Variants in ODR4 observed in about 807,000 individuals in gnomAD.
The protein encoded by ODR4 is odr-4 GPCR localization factor homolog, also known as protein odr-4 homolog.
In ODR4, 47 loss-of-function variants were observed where a neutral mutation model predicts 60.2. The observed-to-expected ratio is 0.78, with a 90% CI of 0.62 to 1.00. ODR4 has a LOEUF of 1.00. Among genes scored for constraint, ODR4 ranks in the 50% least tolerant of loss-of-function variants. The probability of loss-of-function intolerance (pLI) is 0.00; values close to 1 mark genes in which losing one functional copy is unlikely to be tolerated. For synonymous variants in ODR4, 178 were observed against 175.5 expected (o/e 1.01, Z -0.11); for missense variants, 488 against 530.8 (o/e 0.92, Z 0.79).
At position 186,383,090 on chromosome 1, in the gene ODR4, C is replaced by G. The variant is rs943447897; in HGVS notation, c.168C>G (p.Asn56Lys). 1.9e-6 allele frequency: 3 copies of G among 1,567,590 alleles called. No homozygotes were observed. The highest frequency in any genetic ancestry group is 3.8e-5 in the Admixed American group (2 of 52,620). ...RTPPKEEQSE[N>K]LKHPKAKLDN... ...CACCCAAAGAGGAGCAAAGTGAGAACCTCAAACATCCCAAAGCTAAGTTGG... is the reference window on the plus strand; with the variant it reads ...CACCCAAAGAGGAGCAAAGTGAGAAGCTCAAACATCCCAAAGCTAAGTTGG... Residue 56 changes from asparagine to lysine, a missense_variant, in exon 3 of 14, where the codon AAC (asparagine) becomes AAG (lysine). Transcript: ENST00000287859.
At chr1:186,396,650 C>T (rs1014888073) in intron 9 of ODR4, among the ~76,000 whole-genome samples, 8 of 151,662 alleles carry the variant, frequency 5.3e-5, no homozygotes, top group Non-Finnish European at 1.2e-4. Context: ...CAAAAAAATA[C>T]CTCTTTTCTT....
rs369620672 is a variant in ODR4 at position 186,406,199 on chromosome 1, C to T, written c.1117C>T (p.His373Tyr). 1 of 1,611,102 alleles carries T rather than the reference C, an allele frequency of 6.2e-7. No homozygotes were observed. The highest frequency in any genetic ancestry group is 1.3e-5 in the African/African-American group (1 of 74,736). ...TGAGTCAGCTGAAGAAATCAGGGACCATTTTATGGAGATGTTGGATCACAC... is the reference window on the plus strand; with the variant it reads ...TGAGTCAGCTGAAGAAATCAGGGACTATTTTATGGAGATGTTGGATCACAC... ...DDESAEEIRD[H>Y]FMEMLDHTIQ... is the part of the protein sequence containing the mutation. The change falls in exon 12 of 14, where the codon CAT becomes TAT. Residue 373 changes from histidine (H) to tyrosine (Y), a missense_variant. Transcript: ENST00000287859.
chr1:186,396,508 C>T (rs571598971), intron 9 of ODR4, among the ~76,000 whole-genome samples: 3 of 151,942 alleles, frequency 2.0e-5, no homozygotes, highest in East Asian at 1.9e-4. Context: ...ACTTGGGAGG[C>T]GAAGGTGGGA....
intron 13 of ODR4, 81 bp from the exon 14 acceptor site, chr1:186,418,928 C>T: frequency 8.3e-7 from 1 of 1,202,926 alleles, no homozygotes; most frequent in South Asian, 1.3e-5. Flanking sequence ...ATCAGTTACC[C>T]ACATTTCAGA....
At chr1:186,401,044 G>T (rs755003503) in intron 11 of ODR4, 6 of 1,591,792 alleles carry the variant, frequency 3.8e-6, no homozygotes, top group Admixed American at 3.4e-5. Context: ...GATTTGCAGG[G>T]TATGGGGATG....
chr1:186,417,738 T>C, intron 13 of ODR4, 84 bp downstream of exon 13: 1 of 765,898 alleles, frequency 1.3e-6, no homozygotes. Flanking sequence ...TGTATTTCAT[T>C]TCTCTTTCTT....
At chr1:186,377,139 A>G (rs1659809081) in intron 1 of ODR4, among the ~76,000 whole-genome samples, 1 of 152,200 alleles carries the variant, frequency 6.6e-6, no homozygotes, top group African/African-American at 2.4e-5. Context: ...AGTTACTTAT[A>G]ATACCTAATA....
intron 1 of ODR4, among the ~76,000 whole-genome samples, chr1:186,376,187 C>A (rs150252262): frequency 5.4e-4 from 82 of 152,182 alleles, no homozygotes; most frequent in African/African-American, 1.9e-3. Context: ...ATTTAAGGAC[C>A]CGGGTTAATT....
At chr1:186,422,485 A>G (rs1191902182), downstream of ODR4, among the ~76,000 whole-genome samples, 3 of 152,216 alleles carry the variant, frequency 2.0e-5, no homozygotes, top group African/African-American at 7.2e-5. Context: ...CAATTAAAGA[A>G]TATTTTTCTT....
chr1:186,386,475 T>A (rs1178307666), intron 4 of ODR4, among the ~76,000 whole-genome samples: 1 of 152,102 alleles, frequency 6.6e-6, no homozygotes, highest in Non-Finnish European at 1.5e-5. Flanking sequence ...ATGTAAATTA[T>A]GCAAACAAAT....
chr1:186,421,595 G>A (rs1661779020), downstream of ODR4, among the ~76,000 whole-genome samples: 1 of 152,124 alleles, frequency 6.6e-6, no homozygotes, highest in South Asian at 2.1e-4. Context: ...GCCAGGCACG[G>A]TGGCTCACAC....
At chr1:186,376,810 T>A (rs1659790242) in intron 1 of ODR4, among the ~76,000 whole-genome samples, 1 of 152,204 alleles carries the variant, frequency 6.6e-6, no homozygotes, top group African/African-American at 2.4e-5. Flanking sequence ...TTTCTGTACT[T>A]AGATTCACAG....
rs755309642 is a variant in ODR4 at position 186,417,682 on chromosome 1, C to T, written c.1297+28C>T. On this transcript the variant is annotated intron_variant, in intron 13 of 13. Transcript: ENST00000287859. ...ATTTAATTTTACTTCTTTTATAACA[C>T]TGAAAACATATTTAGATTTGAGTTT... The T allele has an allele frequency of 4.4e-6, 5 of 1,131,862 alleles. No homozygotes were observed. The South Asian group carries it at 6.8e-5, about 15-fold the overall frequency. The allele number at this position is 1,131,862 out of a possible 1,614,324, so 70.1% of individuals were successfully genotyped here. A position where few individuals can be genotyped will look rare whatever the true frequency, so the allele number is the denominator to read the frequency against.
chr1:186,416,498 C>T (rs1183579417), intron 12 of ODR4, among the ~76,000 whole-genome samples: 2 of 152,018 alleles, frequency 1.3e-5, no homozygotes, highest in East Asian at 1.9e-4. Flanking sequence ...ATGGCAAAAC[C>T]CCATCTTTAC....
At chr1:186,402,431 T>C (rs1367269437) in intron 11 of ODR4, among the ~76,000 whole-genome samples, 1 of 151,208 alleles carries the variant, frequency 6.6e-6, no homozygotes, top group Non-Finnish European at 1.5e-5. Flanking sequence ...ACAGGGTCTC[T>C]CTCTGTCACC....
chr1:186,377,786 C>T (rs994481241), intron 1 of ODR4, among the ~76,000 whole-genome samples: 3 of 152,204 alleles, frequency 2.0e-5, no homozygotes, highest in Non-Finnish European at 4.4e-5. Context: ...TGACTCACAC[C>T]TGTAATCCCA....
intron 6 of ODR4, among the ~76,000 whole-genome samples, chr1:186,390,289 AG>A (rs1449634577): frequency 3.9e-5 from 6 of 152,206 alleles, no homozygotes; most frequent in Non-Finnish European, 8.8e-5. Flanking sequence ...TGCATCTAAA[AG>A]GGTTGTGAAA....
At chr1:186,433,055 A>T in the ODR4 span, among the ~76,000 whole-genome samples, 47 of 152,278 alleles carry the variant, frequency 3.1e-4, no homozygotes, top group Non-Finnish European at 4.9e-4. Flanking sequence ...AAGTGCTGGG[A>T]TTACAGGTGT....
chr1:186,409,581 T>C (rs1661296291), intron 12 of ODR4, among the ~76,000 whole-genome samples: 1 of 152,274 alleles, frequency 6.6e-6, no homozygotes, highest in Admixed American at 6.5e-5. Context: ...AGTCTCGCTC[T>C]GTCTCCCAAG....
Sources: allele counts gnomAD v4.1 joint callset (sites outside exome capture counted in the v4.1 genomes callset), GRCh38; gene constraint gnomAD v4.1.1; transcripts MANE v1.5; gene names NCBI Gene and HGNC (gene_info 2026-07-23, HGNC 2026-07-21).